Variants in TSC22D1 observed in about 807,000 individuals in gnomAD.
TSC22D1 encodes the protein TSC22 domain family member 1, also known as TSC22 domain family protein 1.
In TSC22D1, 9 loss-of-function variants were observed where a neutral mutation model predicts 74.2. The ratio of observed to expected loss-of-function variants is 0.12; its 90% CI spans 0.07 to 0.21. TSC22D1 has a LOEUF of 0.21. Ranked by LOEUF, TSC22D1 falls within the 10% of genes least tolerant of loss-of-function variation. The probability of loss-of-function intolerance (pLI) is 1.00; values close to 1 mark genes in which losing one functional copy is unlikely to be tolerated. For missense variants in TSC22D1, 1,427 were observed against 1,304.7 expected (o/e 1.09, Z -1.44); for synonymous variants, 586 against 492.5 (o/e 1.19, Z -2.51).
chr13:44,551,460 G>A (rs1270774115), intron 1 of TSC22D1, among the ~76,000 whole-genome samples: 1 of 151,032 alleles, frequency 6.6e-6, no homozygotes, highest in Non-Finnish European at 1.5e-5. Context: ...CTCTGTTGTT[G>A]CCCAGGCTGG....
In TSC22D1 at chr13:44,575,587, G is replaced by A; in HGVS notation, c.488C>T (p.Thr163Ile). 6.2e-7 allele frequency: 1 copy of A among 1,614,104 alleles called. No homozygotes were observed. ...EILDVSLSRA[T>I]DLGEPERSSS... ...GCTGCGTTCGGGCTCCCCTAAGTCAGTAGCCCTGGAAAGTGACACATCAAG... is the reference window on the plus strand; with the variant it reads ...GCTGCGTTCGGGCTCCCCTAAGTCAATAGCCCTGGAAAGTGACACATCAAG... The change falls in exon 1 of 3, where the codon ACT becomes ATT. Residue 163 changes from threonine to isoleucine, a missense_variant. Around this residue, in one of 3 missense-constraint regions of TSC22D1, gnomAD observed 1,343 missense variants for 1,191.5 expected, o/e 1.13. Coordinates refer to ENST00000458659, the MANE Select transcript of TSC22D1 (RefSeq NM_183422.4).
At chr13:44,447,441 T>C (rs1444743105) in intron 1 of TSC22D1, among the ~76,000 whole-genome samples, 1 of 152,212 alleles carries the variant, frequency 6.6e-6, no homozygotes, top group South Asian at 2.1e-4. Flanking sequence ...ATAAAATGCA[T>C]TACTAGGCTT....
chr13:44,519,003 CAG>C (rs1308184377), intron 1 of TSC22D1, among the ~76,000 whole-genome samples: 4 of 152,142 alleles, frequency 2.6e-5, no homozygotes, highest in Non-Finnish European at 5.9e-5. Context: ...AGGCCTGAAA[CAG>C]TGGATTTAGT....
chr13:44,521,125 A>G (rs1299350173), intron 1 of TSC22D1, among the ~76,000 whole-genome samples: 8 of 152,198 alleles, frequency 5.3e-5, no homozygotes, highest in Non-Finnish European at 4.4e-5. Context: ...ATTGGGCTTA[A>G]GACTGCCCCT....
chr13:44,439,989 A>G (rs1875055237), intron 1 of TSC22D1, among the ~76,000 whole-genome samples: 1 of 152,222 alleles, frequency 6.6e-6, no homozygotes, highest in Admixed American at 6.5e-5. Flanking sequence ...AAGCGAAGGC[A>G]CATTACCCTG....
At chr13:44,444,720 A>G (rs2138882798) in intron 1 of TSC22D1, among the ~76,000 whole-genome samples, 1 of 152,272 alleles carries the variant, frequency 6.6e-6, no homozygotes, top group African/African-American at 2.4e-5. Flanking sequence ...GGGTCAAATA[A>G]GCAATCAAAA....
At position 44,439,413 on chromosome 13, in the gene TSC22D1, A is replaced by C. The variant is rs79852115; in HGVS notation, c.2913-3318T>G. Among the ~76,000 whole-genome samples, 512 of 152,378 alleles carry C rather than the reference A, an allele frequency of 3.4e-3. 2 individuals carry two copies. The highest frequency in any genetic ancestry group is 0.012 in the African/African-American group (487 of 41,592). ...CTGAGAAGACATAATTTGAAAAAGA[A>C]GGCAAAGGAAATGGAAAGCTCCATG... On this transcript the variant is annotated intron_variant, in intron 1 of 2. Transcript: ENST00000458659.
chr13:44,556,341 T>C (rs1350769072), intron 1 of TSC22D1, among the ~76,000 whole-genome samples: 1 of 151,566 alleles, frequency 6.6e-6, no homozygotes, highest in Non-Finnish European at 1.5e-5. Context: ...GGTCAGGAGT[T>C]CAAGACCAGC....
chr13:44,472,043 A>G (rs1292875814), intron 1 of TSC22D1, among the ~76,000 whole-genome samples: 2 of 152,216 alleles, frequency 1.3e-5, no homozygotes, highest in Non-Finnish European at 2.9e-5. Flanking sequence ...TTTACTTCAT[A>G]GCCCCAAAGT....
chr13:44,573,384 G>A lies in TSC22D1; in HGVS notation c.2691C>T (p.Phe897=). ...AQQIPLSSTQ[F]SAQSLAQAIG... is the part of the protein sequence containing the mutation. ...TTGCCTGAGCTAATGATTGTGCGGA[G>A]AACTGGGTAGAACTTAGTGGTATCT... Residue 897 remains phenylalanine (F), a synonymous_variant, in exon 1 of 3, where the codon TTC becomes TTT. Transcript: ENST00000458659. 6.2e-7 allele frequency: 1 copy of A among 1,614,276 alleles called. No homozygotes were observed. Among genetic ancestry groups the A allele is most frequent in the Non-Finnish European group, 8.5e-7 (1 of 1,180,054 alleles).
intron 1 of TSC22D1, among the ~76,000 whole-genome samples, chr13:44,567,787 C>T (rs1883481263): frequency 1.3e-5 from 2 of 152,054 alleles, no homozygotes; most frequent in South Asian, 2.1e-4. Context: ...TAATCAACAA[C>T]CTGACTCAAG....
At position 44,468,775 on chromosome 13, in the gene TSC22D1, A is replaced by C. The variant is rs1566127360; in HGVS notation, c.2913-32680T>G. On this transcript the variant is annotated intron_variant, in intron 1 of 2. Transcript: ENST00000458659. Reference sequence around the variant, plus strand: ...AGAAATATTATCATCTTTATTATGAAGAATTTATAATATGCTAAATGCACA... The same window carrying C: ...AGAAATATTATCATCTTTATTATGACGAATTTATAATATGCTAAATGCACA... Among the ~76,000 whole-genome samples, 2 of 150,030 alleles carry C rather than the reference A, an allele frequency of 1.3e-5. 1 individual carries two copies.
At chr13:44,548,432 A>G (rs926444791) in intron 1 of TSC22D1, among the ~76,000 whole-genome samples, 1 of 152,246 alleles carries the variant, frequency 6.6e-6, no homozygotes, top group African/African-American at 2.4e-5. Context: ...TACTTAGTGT[A>G]TGATAAAAGC....
At chr13:44,569,684 C>G (rs544218264) in intron 1 of TSC22D1, among the ~76,000 whole-genome samples, 1 of 152,176 alleles carries the variant, frequency 6.6e-6, no homozygotes, top group East Asian at 1.9e-4. Flanking sequence ...TGCAGACATA[C>G]ATCAATTCAC....
chr13:44,506,705 C>G (rs1481827043), intron 1 of TSC22D1, among the ~76,000 whole-genome samples: 1 of 152,152 alleles, frequency 6.6e-6, no homozygotes, highest in Non-Finnish European at 1.5e-5. Context: ...TGTTCTACCA[C>G]TAAAGATTTC....
At chr13:44,500,688 C>T (rs1879185162) in intron 1 of TSC22D1, among the ~76,000 whole-genome samples, 1 of 152,022 alleles carries the variant, frequency 6.6e-6, no homozygotes, top group Non-Finnish European at 1.5e-5. Context: ...TATGGACATG[C>T]TTCGTTTTTG....
At chr13:44,487,286 G>C (rs1339158034) in intron 1 of TSC22D1, among the ~76,000 whole-genome samples, 1 of 151,670 alleles carries the variant, frequency 6.6e-6, no homozygotes, top group African/African-American at 2.4e-5. Context: ...ATCACCTGAG[G>C]TCAGGAGTTC....
chr13:44,509,950 C>CAAAAAAAAAAAAAAAAAAAAAATAAAA, intron 1 of TSC22D1, among the ~76,000 whole-genome samples: 14 of 51,424 alleles, frequency 2.7e-4, no homozygotes, highest in East Asian at 1.1e-3. Context: ...AGAAAATAAG[C>CAAAAAAAAAAAAAAAAAAAAAATAAAA]AAAAAAAAAA....
chr13:44,576,864 G>A (rs1314261744), upstream of TSC22D1, among the ~76,000 whole-genome samples: 1 of 151,964 alleles, frequency 6.6e-6, no homozygotes, highest in South Asian at 2.1e-4. Flanking sequence ...CGGGAGCCCA[G>A]GGACCGCTCC....
Sources: allele counts gnomAD v4.1 joint callset (sites outside exome capture counted in the v4.1 genomes callset), GRCh38; gene constraint gnomAD v4.1.1; regional missense constraint gnomAD v4.1.1; transcripts MANE v1.5; gene names NCBI Gene and HGNC (gene_info 2026-07-23, HGNC 2026-07-21).